The following NWD2 variants were observed in gnomAD, a reference collection of about 807,000 sequenced individuals.
NWD2 encodes NACHT and WD repeat domain-containing protein 2.
NWD2 carries 37 observed loss-of-function variants against 132.7 expected under a neutral mutation model. The ratio of observed to expected loss-of-function variants is 0.28; its 90% confidence interval spans 0.21 to 0.37. The LOEUF is 0.37. NWD2 is among the 10% of genes least tolerant of loss of function. The pLI is 1.00. For synonymous variants in NWD2, 705 were observed against 803.0 expected (o/e 0.88, Z 2.06); for missense variants, 1,592 against 2,122.4 (o/e 0.75, Z 4.91).
Position 37,444,400 on chromosome 4 carries a change from T to C in NWD2, c.2412T>C (p.Ala804=). ...AAGAAAAGCACTTCATGGAACAGGC[T>C]TCCTTTGACAGGCAGGCTCCAGACC... The part of the protein sequence containing the change: ...LEEEKHFMEQ[A]SFDRQAPDQP... The change falls in exon 7 of 7, where the codon GCT becomes GCC. Residue 804 remains alanine, a synonymous_variant. Transcript: ENST00000309447. This position sits in a 1 kb window ranked among gnomAD's most constrained non-coding sequence, Gnocchi z 4.8. 6.4e-7 allele frequency: 1 copy of C among 1,552,174 alleles called. No homozygotes were observed.
chr4:37,412,673 A>G (rs1364742310), intron 3 of NWD2, among the ~76,000 whole-genome samples: 1 of 112,058 alleles, frequency 8.9e-6, no homozygotes, highest in African/African-American at 4.1e-5. Flanking sequence ...AAATAGCAAC[A>G]CAATCCTGGG....
rs142705677 is a variant in NWD2 at position 37,256,637 on chromosome 4, A to T, written c.151+11419A>T. Among the ~76,000 whole-genome samples the T allele has an allele frequency of 1.2e-3, 179 of 152,364 alleles. 1 individual carries two copies. The highest frequency in any genetic ancestry group is 3.9e-3 in the African/African-American group (163 of 41,594). Reference sequence around the variant, plus strand: ...AAAAGATAATCTGCTACCGACACTGAAAAGGAGACTTGAAAATAACAAATT... The same window carrying T: ...AAAAGATAATCTGCTACCGACACTGTAAAGGAGACTTGAAAATAACAAATT... On this transcript the variant is annotated intron_variant, in intron 1 of 6. Coordinates refer to ENST00000309447, the MANE Select transcript of NWD2 (RefSeq NM_001144990.2).
At chr4:37,326,971 AC>A (rs1719185611) in intron 2 of NWD2, among the ~76,000 whole-genome samples, 2 of 152,160 alleles carry the variant, frequency 1.3e-5, no homozygotes, top group South Asian at 4.1e-4. Context: ...TGTCTTTGCC[AC>A]CAGACCATGA....
At chr4:37,402,721 C>A (rs1720920891) in intron 3 of NWD2, among the ~76,000 whole-genome samples, 1 of 152,266 alleles carries the variant, frequency 6.6e-6, no homozygotes, top group Admixed American at 6.5e-5. Flanking sequence ...TGTTCACAAA[C>A]CCAGCTGCAT....
intron 1 of NWD2, among the ~76,000 whole-genome samples, chr4:37,275,204 C>T (rs1347795490): frequency 6.6e-6 from 1 of 152,162 alleles, no homozygotes; most frequent in Non-Finnish European, 1.5e-5. Flanking sequence ...CCAAAATCTC[C>T]TTATGCTGAT....
At chr4:37,361,126 A>C (rs1240189589) in intron 3 of NWD2, among the ~76,000 whole-genome samples, 2 of 152,212 alleles carry the variant, frequency 1.3e-5, no homozygotes, top group Non-Finnish European at 2.9e-5. Context: ...ATATTGAACA[A>C]GGAAGAAACT....
chr4:37,277,328 C>T (rs771384269), intron 1 of NWD2, among the ~76,000 whole-genome samples: 14 of 151,782 alleles, frequency 9.2e-5, no homozygotes, highest in Non-Finnish European at 1.6e-4. Context: ...AAATTTGGAA[C>T]GTTTTAGCTG....
chr4:37,411,735 A>G (rs953034369), intron 3 of NWD2, among the ~76,000 whole-genome samples: 2 of 152,214 alleles, frequency 1.3e-5, no homozygotes, highest in Admixed American at 6.5e-5. Flanking sequence ...AAAATCCTCA[A>G]TAAAATACTG....
intron 3 of NWD2, among the ~76,000 whole-genome samples, chr4:37,406,026 A>C (rs1235909421): frequency 2.6e-5 from 4 of 151,148 alleles, no homozygotes; most frequent in Non-Finnish European, 5.9e-5. Flanking sequence ...GGTTTATCAT[A>C]AGGGTTATGA....
At chr4:37,317,175 T>C (rs1718974787) in intron 1 of NWD2, among the ~76,000 whole-genome samples, 1 of 152,228 alleles carries the variant, frequency 6.6e-6, no homozygotes, top group Non-Finnish European at 1.5e-5. Flanking sequence ...GTTTAGGCAG[T>C]ATTTAAAGCT....
intron 3 of NWD2, among the ~76,000 whole-genome samples, chr4:37,406,778 C>T (rs1309610736): frequency 2.0e-5 from 3 of 152,108 alleles, no homozygotes; most frequent in Non-Finnish European, 4.4e-5. Flanking sequence ...TACCTATAAT[C>T]CCAGCTACTT....
chr4:37,407,763 C>T (rs1721074912), intron 3 of NWD2, among the ~76,000 whole-genome samples: 1 of 152,232 alleles, frequency 6.6e-6, no homozygotes, highest in Non-Finnish European at 1.5e-5. Context: ...ATAGGATCAG[C>T]TCCGGTCTGC....
intron 1 of NWD2, among the ~76,000 whole-genome samples, chr4:37,248,949 C>T (rs559450867): frequency 6.6e-6 from 1 of 152,178 alleles, no homozygotes; most frequent in Admixed American, 6.5e-5. Context: ...GGTAACAACC[C>T]ATGTCGGATA....
chr4:37,303,123 A>G (rs1211633110), intron 1 of NWD2, among the ~76,000 whole-genome samples: 1 of 152,104 alleles, frequency 6.6e-6, no homozygotes, highest in Non-Finnish European at 1.5e-5. Flanking sequence ...TGATTTTTGT[A>G]TATAGTGAGA....
intron 2 of NWD2, among the ~76,000 whole-genome samples, chr4:37,347,915 G>A (rs13120150): frequency 0.34 from 52,161 of 152,102 alleles, 10,252 homozygotes; most frequent in Middle Eastern, 0.5. Flanking sequence ...CAACTAAAGG[G>A]TGCCATACAC....
intron 2 of NWD2, among the ~76,000 whole-genome samples, chr4:37,347,520 C>T (rs1489543041): frequency 6.6e-6 from 1 of 151,982 alleles, no homozygotes; most frequent in Non-Finnish European, 1.5e-5. Flanking sequence ...ACAGTTTATA[C>T]CAATTTAATA....
At chr4:37,404,532 C>G (rs1012480123) in intron 3 of NWD2, among the ~76,000 whole-genome samples, 4 of 152,210 alleles carry the variant, frequency 2.6e-5, no homozygotes, top group African/African-American at 9.6e-5. Flanking sequence ...CCCTTACAGA[C>G]AATACCATGC....
chr4:37,445,173 A>G lies in NWD2; in HGVS notation c.3185A>G (p.Asn1062Ser), dbSNP rs773216557. ...TKHGSSATYI[N>S]GFTLSANHAL... ...CATGGAAGCAGCGCCACCTACATCA[A>G]TGGATTTACACTGTCCGCCAACCAC... The change falls in exon 7 of 7, where the codon AAT becomes AGT. Residue 1062 changes from asparagine to serine, a missense_variant. Physicochemically the swap from Asn to Ser is conservative, Grantham distance 46. Around this residue, in one of 7 missense-constraint regions of NWD2, gnomAD observed 1,071 missense variants for 1,398.0 expected, o/e 0.77. Coordinates refer to ENST00000309447, the MANE Select transcript of NWD2 (RefSeq NM_001144990.2). This position sits in a 1 kb window ranked among gnomAD's most constrained non-coding sequence, Gnocchi z 4.7. 4 of 1,551,866 alleles carry G rather than the reference A, an allele frequency of 2.6e-6. No individual in the cohort carries two copies. The South Asian group carries it at 3.6e-5, about 14-fold the overall frequency.
At chr4:37,286,204 T>C (rs938032247) in intron 1 of NWD2, among the ~76,000 whole-genome samples, 3 of 152,236 alleles carry the variant, frequency 2.0e-5, no homozygotes, top group African/African-American at 7.2e-5. Flanking sequence ...TTTTCGGTGT[T>C]TTAACTAGGA....
Sources: allele counts gnomAD v4.1 joint callset (sites outside exome capture counted in the v4.1 genomes callset), GRCh38; gene constraint gnomAD v4.1.1; regional missense constraint gnomAD v4.1.1; non-coding constraint Gnocchi (gnomAD v3.1); transcripts MANE v1.5; gene names NCBI Gene and HGNC (gene_info 2026-07-23, HGNC 2026-07-21).